Variants in GTF2H1 observed in about 807,000 individuals in gnomAD.
GTF2H1 encodes BTF2 p62.
GTF2H1 carries 16 observed loss-of-function variants against 71.2 expected under a neutral mutation model. The observed-to-expected ratio is 0.22, with a 90% CI of 0.15 to 0.34. The LOEUF is 0.34. Among genes scored for constraint, GTF2H1 ranks in the 10% least tolerant of loss-of-function variants. GTF2H1 has a pLI of 1.00. For missense variants in GTF2H1, 498 were observed against 648.2 expected, an observed-to-expected ratio of 0.77 and a Z score of 2.52; for synonymous variants, 215 against 219.0, an observed-to-expected ratio of 0.98 and a Z score of 0.16.
chr11:18,360,205 C>T (rs1865663335), intron 13 of GTF2H1, among the ~76,000 whole-genome samples: 1 of 141,352 alleles, frequency 7.1e-6, no homozygotes, highest in Non-Finnish European at 1.6e-5. Context: ...TCACTGCAGC[C>T]TCCACCTCCT....
chr11:18,325,593 T>C (rs906312123), intron 1 of GTF2H1, among the ~76,000 whole-genome samples: 2 of 152,098 alleles, frequency 1.3e-5, no homozygotes, highest in African/African-American at 4.8e-5. Flanking sequence ...ATTAAAAGAA[T>C]CACATTAAAA....
intron 7 of GTF2H1, among the ~76,000 whole-genome samples, chr11:18,342,313 G>A (rs760672482): frequency 3.5e-4 from 45 of 129,594 alleles, no homozygotes; most frequent in Non-Finnish European, 6.1e-4. Context: ...CCAGGCTGGA[G>A]TGCAGTGGCG....
intron 11 of GTF2H1, among the ~76,000 whole-genome samples, chr11:18,353,716 T>G (rs1018804430): frequency 1.3e-5 from 2 of 152,222 alleles, no homozygotes; most frequent in Non-Finnish European, 2.9e-5. Context: ...CATCAAGACT[T>G]ACTTTTTTAC....
intron 9 of GTF2H1, among the ~76,000 whole-genome samples, chr11:18,351,267 AG>A (rs1445534986): frequency 3.4e-5 from 5 of 147,538 alleles, no homozygotes; most frequent in Non-Finnish European, 7.4e-5. Flanking sequence ...ATAAGCAAAA[AG>A]CGGGCAAAGA....
intron 7 of GTF2H1, among the ~76,000 whole-genome samples, chr11:18,346,937 A>G (rs1330266811): frequency 6.7e-6 from 1 of 149,566 alleles, no homozygotes; most frequent in Admixed American, 6.6e-5. Flanking sequence ...ATGAGGTTTC[A>G]CCATGTTGGC....
intron 1 of GTF2H1, among the ~76,000 whole-genome samples, chr11:18,326,785 G>T (rs561479068): frequency 1.2e-4 from 18 of 152,216 alleles, no homozygotes; most frequent in African/African-American, 3.9e-4. Context: ...GGATAATGAA[G>T]TATCAACATA....
intron 7 of GTF2H1, among the ~76,000 whole-genome samples, chr11:18,346,434 G>A (rs778075786): frequency 2.0e-5 from 3 of 151,996 alleles, no homozygotes; most frequent in Non-Finnish European, 2.9e-5. Context: ...AACCTTTTTC[G>A]AACCCTCTTC....
At chr11:18,331,111 G>A (rs553159975) in intron 1 of GTF2H1, among the ~76,000 whole-genome samples, 2 of 152,238 alleles carry the variant, frequency 1.3e-5, no homozygotes, top group Admixed American at 6.5e-5. Context: ...ACAATGTTGC[G>A]ATCTCACCTC....
chr11:18,345,734 C>A (rs1461061992), intron 7 of GTF2H1, among the ~76,000 whole-genome samples: 2 of 151,990 alleles, frequency 1.3e-5, no homozygotes, highest in Non-Finnish European at 2.9e-5. Flanking sequence ...GGTGACCCAC[C>A]CACCTCAGCC....
chr11:18,338,083 T>C, intron 3 of GTF2H1, 26 bp from the exon 4 acceptor site: 1 of 1,538,668 alleles, frequency 6.5e-7, no homozygotes, highest in South Asian at 1.1e-5. Flanking sequence ...GAAGTTCAGT[T>C]ATATTCAGTA....
intron 11 of GTF2H1, among the ~76,000 whole-genome samples, chr11:18,355,967 C>T (rs1166617115): frequency 1.3e-5 from 2 of 152,076 alleles, no homozygotes; most frequent in African/African-American, 4.8e-5. Context: ...TGACAATATC[C>T]CCGTCATTCT....
At chr11:18,358,726 C>A in intron 13 of GTF2H1, 86 bp downstream of exon 13, 1 of 781,958 alleles carries the variant, frequency 1.3e-6, no homozygotes, top group Non-Finnish European at 2.3e-6. Context: ...TTGAGTCTTA[C>A]CATGTGACAG....
chr11:18,341,149 AGAGTT>A, intron 5 of GTF2H1, 107 bp from the exon 6 acceptor site: 1 of 716,282 alleles, frequency 1.4e-6, no homozygotes, highest in Non-Finnish European at 2.3e-6. Flanking sequence ...TATAGTATGT[AGAGTT>A]GAGAGCTTTA....
intron 1 of GTF2H1, among the ~76,000 whole-genome samples, chr11:18,328,529 A>AAAT (rs1864822534): frequency 7.0e-6 from 1 of 143,012 alleles, no homozygotes; most frequent in African/African-American, 2.6e-5. Flanking sequence ...AAAAAAAAAA[A>AAAT]TTTTATGGAA....
At chr11:18,324,930 A>T (rs931279260) in intron 1 of GTF2H1, among the ~76,000 whole-genome samples, 4 of 152,222 alleles carry the variant, frequency 2.6e-5, no homozygotes, top group African/African-American at 9.7e-5. Flanking sequence ...CACATCAGTT[A>T]TTCTCCTTAA....
chr11:18,335,054 A>G (rs1197832653), intron 2 of GTF2H1, among the ~76,000 whole-genome samples: 1 of 152,188 alleles, frequency 6.6e-6, no homozygotes, highest in African/African-American at 2.4e-5. Flanking sequence ...AATATCAAAC[A>G]TTCTGAATAT....
At position 18,352,353 on chromosome 11, in the gene GTF2H1, C is replaced by G. The variant is rs1865446787; in HGVS notation, c.1167C>G (p.Ile389Met). The G allele has an allele frequency of 6.5e-7, 1 of 1,544,040 alleles. No homozygotes were observed. The highest frequency in any genetic ancestry group is 9.0e-7 in the Non-Finnish European group (1 of 1,117,208). The change falls in exon 11 of 15, where the codon ATC becomes ATG. Residue 389 changes from isoleucine to methionine, a missense_variant. Ile to Met is a conservative substitution (Grantham distance 10). Around this residue, in one of 3 missense-constraint regions of GTF2H1, gnomAD observed 266 missense variants for 301.6 expected, o/e 0.88. Transcript: ENST00000265963. ...GGTATTATCATGGTCCAACTCCAATCCAGTCACTACAGTATGCAACAAGTC... is the reference window on the plus strand; with the variant it reads ...GGTATTATCATGGTCCAACTCCAATGCAGTCACTACAGTATGCAACAAGTC... ...SDRYYHGPTP[I>M]QSLQYATSQD...
rs1462813871 is a variant in GTF2H1 at position 18,341,015 on chromosome 11, A to G, written c.608-246A>G. Among the ~76,000 whole-genome samples the G allele has an allele frequency of 3.9e-5, 6 of 152,236 alleles. No homozygotes were observed. In the East Asian group the frequency reaches 1.2e-3, roughly 29 times the overall value. On this transcript the variant is annotated intron_variant, in intron 5 of 14. Transcript: ENST00000265963. ...TCCTGAGATTCTTGGTATTTCTACT[A>G]AAACTTCAAAACCTTATTCTTTTGG...
In GTF2H1 at chr11:18,365,806, G is replaced by A. The variant is rs751551035; in HGVS notation, c.1584G>A (p.Met528Ile). Residue 528 changes from methionine (M) to isoleucine (I), a missense_variant, in exon 15 of 15, where the codon ATG becomes ATA. Physicochemically the swap from Met to Ile is conservative, Grantham distance 10. Coordinates refer to ENST00000265963, the MANE Select transcript of GTF2H1 (RefSeq NM_005316.4). The stretch of plus-strand genomic sequence containing the variant: ...AGTTGGTAAGTCACATAGAAGAGAT[G>A]CTCCAGACAGCCTACAACAAGCTCC... The part of the protein sequence containing the change: ...STNLVSHIEE[M>I]LQTAYNKLHT... The A allele has an allele frequency of 1.6e-5, 26 of 1,613,410 alleles. No homozygotes were observed. Among genetic ancestry groups the A allele is most frequent in the Non-Finnish European group, 2.1e-5 (25 of 1,179,518 alleles).
Sources: allele counts gnomAD v4.1 joint callset (sites outside exome capture counted in the v4.1 genomes callset), GRCh38; gene constraint gnomAD v4.1.1; regional missense constraint gnomAD v4.1.1; transcripts MANE v1.5; gene names NCBI Gene and HGNC (gene_info 2026-07-23, HGNC 2026-07-21).